Variants in FHIT observed in about 807,000 individuals in gnomAD.
FHIT encodes fragile histidine triad diadenosine triphosphatase.
FHIT carries 19 observed loss-of-function variants against 17.9 expected under a neutral mutation model. The observed-to-expected ratio is 1.06, with a 90% confidence interval of 0.74 to 1.56. The LOEUF (loss-of-function observed/expected upper bound fraction) is 1.56, where lower values mean the gene tolerates loss of function less well. FHIT is among the 40% of genes most tolerant of loss of function. The probability of loss-of-function intolerance (pLI) is 0.00; values close to 1 mark genes in which losing one functional copy is unlikely to be tolerated. For missense variants in FHIT, 248 were observed against 189.2 expected, an observed-to-expected ratio of 1.31 and a Z score of -1.82; for synonymous variants, 81 against 69.7, an observed-to-expected ratio of 1.16 and a Z score of -0.81.
At chr3:61,193,417 C>G (rs954243143) in intron 2 of FHIT, among the ~76,000 whole-genome samples, 5 of 152,178 alleles carry the variant, frequency 3.3e-5, no homozygotes, top group African/African-American at 1.2e-4. Context: ...CTTCTTTGCA[C>G]AGATACAACA....
chr3:60,598,380 T>G (rs944038312), intron 4 of FHIT, among the ~76,000 whole-genome samples: 1 of 152,156 alleles, frequency 6.6e-6, no homozygotes, highest in African/African-American at 2.4e-5. Flanking sequence ...GTTAAAATAT[T>G]TGCTCACAAG....
intron 5 of FHIT, among the ~76,000 whole-genome samples, chr3:60,124,803 T>C (rs756142774): frequency 6.6e-6 from 1 of 152,208 alleles, no homozygotes; most frequent in Non-Finnish European, 1.5e-5. Context: ...TGTGCCACTA[T>C]TACTGACTCT....
intron 2 of FHIT, among the ~76,000 whole-genome samples, chr3:61,120,742 A>T (rs981795628): frequency 6.6e-6 from 1 of 152,084 alleles, no homozygotes; most frequent in Admixed American, 6.6e-5. Flanking sequence ...ACCAAGAATG[A>T]GTTTGACGAA....
chr3:61,191,772 C>G (rs1004222966), intron 2 of FHIT, among the ~76,000 whole-genome samples: 1 of 152,104 alleles, frequency 6.6e-6, no homozygotes, highest in Non-Finnish European at 1.5e-5. Flanking sequence ...ATGCCCTACA[C>G]ACACACATCA....
chr3:60,780,240 T>A (rs1271801400), intron 4 of FHIT, among the ~76,000 whole-genome samples: 3 of 152,182 alleles, frequency 2.0e-5, no homozygotes, highest in Non-Finnish European at 4.4e-5. Context: ...TTTGCCTTTC[T>A]TCTCCTCTGT....
intron 3 of FHIT, among the ~76,000 whole-genome samples, chr3:61,012,204 T>G (rs1422382707): frequency 6.6e-6 from 1 of 152,170 alleles, no homozygotes; most frequent in Non-Finnish European, 1.5e-5. Context: ...AGATTCAATA[T>G]GGCACCTCTA....
chr3:60,574,074 T>A (rs144404990), intron 4 of FHIT, among the ~76,000 whole-genome samples: 11 of 152,230 alleles, frequency 7.2e-5, no homozygotes, highest in African/African-American at 2.6e-4. Flanking sequence ...CCTCCCAAAG[T>A]GCTGGCATTA....
At chr3:60,571,633 A>G (rs762193749) in intron 4 of FHIT, among the ~76,000 whole-genome samples, 5 of 152,042 alleles carry the variant, frequency 3.3e-5, no homozygotes, top group Non-Finnish European at 7.4e-5. Context: ...TAGAGTCAGG[A>G]GGGTGCAAAT....
chr3:60,844,775 A>G (rs922112496), intron 3 of FHIT, among the ~76,000 whole-genome samples: 5 of 152,146 alleles, frequency 3.3e-5, no homozygotes, highest in African/African-American at 1.2e-4. Context: ...ATGTCTATAC[A>G]GGTTTAATAT....
At chr3:60,240,721 T>A (rs1705081846) in intron 5 of FHIT, among the ~76,000 whole-genome samples, 1 of 152,296 alleles carries the variant, frequency 6.6e-6, no homozygotes, top group East Asian at 1.9e-4. Context: ...GGGTTCAACC[T>A]GCACTCCTTT....
intron 5 of FHIT, among the ~76,000 whole-genome samples, chr3:60,336,963 G>C (rs536852989): frequency 6.6e-6 from 1 of 151,488 alleles, no homozygotes; most frequent in South Asian, 2.1e-4. Context: ...TGTAGACAGA[G>C]AGAAAATAAA....
intron 3 of FHIT, among the ~76,000 whole-genome samples, chr3:60,974,862 C>A (rs1159543288): frequency 6.6e-6 from 1 of 152,170 alleles, no homozygotes; most frequent in East Asian, 1.9e-4. Flanking sequence ...TAGCCCCATT[C>A]TTGAAGTTCC....
chr3:61,233,122 G>C (rs1394619280), intron 1 of FHIT, among the ~76,000 whole-genome samples: 1 of 152,114 alleles, frequency 6.6e-6, no homozygotes, highest in Non-Finnish European at 1.5e-5. Context: ...GCTGGTGTTA[G>C]TCACACATTT....
At chr3:61,080,355 T>G (rs565596220) in intron 2 of FHIT, among the ~76,000 whole-genome samples, 5 of 152,232 alleles carry the variant, frequency 3.3e-5, no homozygotes, top group Admixed American at 6.5e-5. Context: ...AATCTGCCCT[T>G]CCTCCCCTTT....
At chr3:60,024,782 A>C (rs567027667) in intron 5 of FHIT, among the ~76,000 whole-genome samples, 1 of 152,252 alleles carries the variant, frequency 6.6e-6, no homozygotes, top group South Asian at 2.1e-4. Context: ...CTGGATCTTC[A>C]GGAAAGAGTG....
chr3:60,285,212 A>G (rs1428752667), intron 5 of FHIT, among the ~76,000 whole-genome samples: 1 of 152,150 alleles, frequency 6.6e-6, no homozygotes, highest in Non-Finnish European at 1.5e-5. Context: ...TAGTCATATT[A>G]ACCCTTAGAA....
intron 1 of FHIT, among the ~76,000 whole-genome samples, chr3:61,250,109 T>C (rs192741131): frequency 2.0e-5 from 3 of 152,304 alleles, no homozygotes; most frequent in South Asian, 2.1e-4. Flanking sequence ...AAGCGGCTGC[T>C]CTACAGAACG....
intron 1 of FHIT, among the ~76,000 whole-genome samples, chr3:61,221,915 G>A (rs997743851): frequency 2.0e-5 from 3 of 152,176 alleles, no homozygotes; most frequent in Non-Finnish European, 4.4e-5. Context: ...CCTCCACCAC[G>A]TGGCCTGTGT....
At chr3:59,973,382 T>C (rs1708272205) in intron 7 of FHIT, among the ~76,000 whole-genome samples, 1 of 152,102 alleles carries the variant, frequency 6.6e-6, no homozygotes, top group Admixed American at 6.6e-5. Flanking sequence ...GGTCTTCTCT[T>C]GCCTTGTGCT....
Sources: allele counts gnomAD v4.1 joint callset (sites outside exome capture counted in the v4.1 genomes callset), GRCh38; gene constraint gnomAD v4.1.1; transcripts MANE v1.5; gene names NCBI Gene and HGNC (gene_info 2026-07-23, HGNC 2026-07-21).